The following TSPEAR variants were observed in gnomAD, a reference collection of about 807,000 sequenced individuals.
The protein encoded by TSPEAR is thrombospondin-type laminin G domain and EAR repeat-containing protein.
In TSPEAR, 69 loss-of-function variants were observed where a neutral mutation model predicts 71.6. The observed-to-expected ratio is 0.96, with a 90% CI of 0.79 to 1.18. The LOEUF is 1.18. TSPEAR is among the 50% of genes most tolerant of loss of function. The pLI, the probability that TSPEAR is intolerant of heterozygous loss-of-function variation, is 0.00. For missense variants in TSPEAR, 971 were observed against 894.9 expected, an observed-to-expected ratio of 1.09 and a Z score of -1.09; for synonymous variants, 402 against 387.2, an observed-to-expected ratio of 1.04 and a Z score of -0.45.
chr21:44,558,191 G>A (rs898136657), intron 2 of TSPEAR: 3 of 1,552,174 alleles, frequency 1.9e-6, no homozygotes, highest in Admixed American at 1.8e-5. Flanking sequence ...CACAGCAGGA[G>A]GGGATGGGCA....
At chr21:44,519,060 ACT>A (rs1238625187) in intron 9 of TSPEAR, 2 of 170,468 alleles carry the variant, frequency 1.2e-5, no homozygotes, top group Admixed American at 6.0e-5. Context: ...ATGGAGTCTC[ACT>A]CTGTCGCCCA....
In TSPEAR at chr21:44,591,680, C is replaced by T. The variant is rs371170020; in HGVS notation, c.83-23675G>A. On this transcript the variant is annotated intron_variant, in intron 1 of 11. Coordinates refer to ENST00000323084, the MANE Select transcript of TSPEAR (RefSeq NM_144991.3). ...CCAGAGCAGACGGGCACACAGCAGG[C>T]GTGCTGGCAGGGGGAGGAGGTGCAG... is the stretch of plus-strand genomic sequence containing the variant. The T allele has an allele frequency of 5.7e-5, 90 of 1,577,874 alleles. 1 individual carries two copies. Among genetic ancestry groups the T allele is most frequent in the Admixed American group, 8.7e-5 (5 of 57,698 alleles).
chr21:44,627,831 C>T lies in TSPEAR; in HGVS notation c.83-59826G>A, dbSNP rs1219528002. ...AGTCTGGCTGCCAGCCGGCTTGCTG[C>T]ACCACCTCCTGCTGCAGACCCTCCT... is the stretch of plus-strand genomic sequence containing the variant. On this transcript the variant is annotated intron_variant, in intron 1 of 11. Transcript: ENST00000323084. The T allele has an allele frequency of 6.8e-6, 11 of 1,613,878 alleles. No individual in the cohort carries two copies. The East Asian group carries it at 1.1e-4, about 16-fold the overall frequency.
chr21:44,699,618 G>C (rs1987555281), intron 1 of TSPEAR, among the ~76,000 whole-genome samples: 1 of 152,054 alleles, frequency 6.6e-6, no homozygotes, highest in South Asian at 2.1e-4. Context: ...CTGCCGGCCA[G>C]CCCCTGCTGC....
At chr21:44,669,960 G>C (rs1375670410) in intron 1 of TSPEAR, among the ~76,000 whole-genome samples, 1 of 152,214 alleles carries the variant, frequency 6.6e-6, no homozygotes, top group Non-Finnish European at 1.5e-5. Context: ...GAGGCACGCT[G>C]AATACAGAAT....
chr21:44,638,484 G>C, intron 1 of TSPEAR: 2 of 368,620 alleles, frequency 5.4e-6, no homozygotes, highest in Non-Finnish European at 1.1e-5. Flanking sequence ...ACCCCCGGGG[G>C]GGCACAGGGT....
chr21:44,557,735 G>C, intron 2 of TSPEAR: 1 of 392,022 alleles, frequency 2.6e-6, no homozygotes, highest in South Asian at 3.8e-5. Flanking sequence ...CACCCCACGC[G>C]GCACGTTGAA....
At chr21:44,543,854 T>C (rs782053554) in intron 2 of TSPEAR, among the ~76,000 whole-genome samples, 8 of 152,212 alleles carry the variant, frequency 5.3e-5, no homozygotes, top group Non-Finnish European at 1.0e-4. Context: ...TAATTTTCCA[T>C]TGTTTCCAGT....
intron 3 of TSPEAR, among the ~76,000 whole-genome samples, chr21:44,531,940 C>T (rs897442184): frequency 7.2e-5 from 11 of 152,236 alleles, no homozygotes; most frequent in Non-Finnish European, 1.0e-4. Flanking sequence ...CCCGCCCACG[C>T]TGCCACTGTC....
chr21:44,674,053 G>A (rs1555946455), intron 1 of TSPEAR, among the ~76,000 whole-genome samples: 1 of 151,734 alleles, frequency 6.6e-6, no homozygotes, highest in African/African-American at 2.4e-5. Context: ...GGGAGGTTGA[G>A]GTGAGATGAT....
Position 44,613,304 on chromosome 21 carries a change from A to T in TSPEAR, c.83-45299T>A, listed in dbSNP as rs1428069204. Among the ~76,000 whole-genome samples the T allele has an allele frequency of 2.6e-5, 4 of 152,198 alleles. No homozygotes were observed. The East Asian group carries it at 7.7e-4, about 29-fold the overall frequency. On this transcript the variant is annotated intron_variant, in intron 1 of 11. Coordinates refer to ENST00000323084, the MANE Select transcript of TSPEAR (RefSeq NM_144991.3). ...TCTAGGAGTGAGTTACTTAACCTAG[A>T]AGTCACAAGGGACAGTGGCCTAACT... is the stretch of plus-strand genomic sequence containing the variant.
intron 1 of TSPEAR, chr21:44,627,440 G>C: frequency 6.2e-7 from 1 of 1,613,614 alleles, no homozygotes; most frequent in Non-Finnish European, 8.5e-7. Flanking sequence ...CCGGCTTACT[G>C]CACCTCCTCC....
chr21:44,592,491 G>A (rs1980046661), intron 1 of TSPEAR: 1 of 1,603,536 alleles, frequency 6.2e-7, no homozygotes, highest in Admixed American at 1.7e-5. Context: ...CCATGCTGGG[G>A]TTGAACTGGT....
chr21:44,517,754 A>G (rs1028462796), intron 9 of TSPEAR: 1 of 471,140 alleles, frequency 2.1e-6, no homozygotes. Context: ...TCGCCTTCAG[A>G]ACACTGAGCC....
At chr21:44,504,252 C>T (rs143182266) in intron 11 of TSPEAR, among the ~76,000 whole-genome samples, 42 of 128,448 alleles carry the variant, frequency 3.3e-4, no homozygotes, top group African/African-American at 1.0e-3. Flanking sequence ...GGGTAGCTGG[C>T]CTCGGTGAGC....
chr21:44,567,719 G>A, intron 2 of TSPEAR, 66 bp downstream of exon 2: 1 of 1,390,908 alleles, frequency 7.2e-7, no homozygotes, highest in Non-Finnish European at 9.8e-7. Flanking sequence ...TGCACGCGTT[G>A]GTACTGGGAA....
At chr21:44,620,211 T>C (rs2146190936) in intron 1 of TSPEAR, among the ~76,000 whole-genome samples, 1 of 152,322 alleles carries the variant, frequency 6.6e-6, no homozygotes, top group Admixed American at 6.5e-5. Context: ...CAAAAAGACG[T>C]CTTCATCTGG....
At position 44,557,988 on chromosome 21, in the gene TSPEAR, G is replaced by A. The variant is rs115176192; in HGVS notation, c.303+9797C>T. The stretch of plus-strand genomic sequence containing the variant: ...GGAGACTCAGACAGGGCTCAGGGCT[G>A]CAAGGATTTTCGGAAGTCAGAGATG... On this transcript the variant is annotated intron_variant, in intron 2 of 11. Coordinates refer to ENST00000323084, the MANE Select transcript of TSPEAR (RefSeq NM_144991.3). The A allele has an allele frequency of 2.2e-5, 34 of 1,555,816 alleles. No individual in the cohort carries two copies. In the African/African-American group the frequency reaches 4.2e-4, roughly 19 times the overall value.
chr21:44,587,878 G>A lies in TSPEAR; in HGVS notation c.83-19873C>T, dbSNP rs371828094. On this transcript the variant is annotated intron_variant, in intron 1 of 11. Transcript: ENST00000323084. ...TCACCTTATATAAAAATCAACTCAA[G>A]ATGGATCAAGGACTTAAATCTAAGA... Among the ~76,000 whole-genome samples the A allele has an allele frequency of 1.4e-4, 21 of 152,292 alleles. No individual in the cohort carries two copies. In the East Asian group the frequency reaches 3.7e-3, roughly 27 times the overall value.
Sources: allele counts gnomAD v4.1 joint callset (sites outside exome capture counted in the v4.1 genomes callset), GRCh38; gene constraint gnomAD v4.1.1; transcripts MANE v1.5; gene names NCBI Gene and HGNC (gene_info 2026-07-23, HGNC 2026-07-21).